The following GAB2 variants were observed in gnomAD, a reference collection of about 807,000 sequenced individuals.
GAB2 encodes GRB2 associated binding protein 2, also known as GRB2-associated-binding protein 2.
Under a neutral mutation model 65.5 loss-of-function variants are expected in GAB2, and 26 were observed. The ratio of observed to expected loss-of-function variants is 0.40; its 90% CI spans 0.29 to 0.55. The LOEUF is 0.55. GAB2 is among the 20% of genes least tolerant of loss of function. The pLI is 0.53. For synonymous variants in GAB2, 321 were observed against 329.6 expected (o/e 0.97, Z 0.28); for missense variants, 884 against 875.8 (o/e 1.01, Z -0.12).
chr11:78,221,624 T>A, intron 8 of GAB2, 53 bp downstream of exon 8: 1 of 1,077,246 alleles, frequency 9.3e-7, no homozygotes, highest in Non-Finnish European at 1.4e-6. Flanking sequence ...AACTGAGGGG[T>A]GGGTCCCAGG....
chr11:78,348,991 A>C (rs1325131979), intron 1 of GAB2, among the ~76,000 whole-genome samples: 1 of 152,248 alleles, frequency 6.6e-6, no homozygotes, highest in Non-Finnish European at 1.5e-5. Flanking sequence ...AGAGTGACAA[A>C]GAACAGAGGA....
chr11:78,410,994 A>AT (rs1008259141), intron 1 of GAB2, among the ~76,000 whole-genome samples: 12 of 150,264 alleles, frequency 8.0e-5, no homozygotes, highest in Admixed American at 3.3e-4. Context: ...ACAAATAATA[A>AT]AAAAAAAAAT....
chr11:78,269,281 G>C (rs1865949651), intron 2 of GAB2, among the ~76,000 whole-genome samples: 1 of 152,170 alleles, frequency 6.6e-6, no homozygotes, highest in South Asian at 2.1e-4. Context: ...GTTCCCCAGA[G>C]GAGTTGGTCT....
chr11:78,270,190 G>A (rs974913016), intron 2 of GAB2, among the ~76,000 whole-genome samples: 6 of 152,140 alleles, frequency 3.9e-5, no homozygotes, highest in African/African-American at 1.4e-4. Context: ...AGCCGGGCAT[G>A]GTAGTGTGCG....
At chr11:78,302,928 G>A (rs1184094721) in intron 1 of GAB2, among the ~76,000 whole-genome samples, 1 of 152,222 alleles carries the variant, frequency 6.6e-6, no homozygotes, top group Non-Finnish European at 1.5e-5. Flanking sequence ...TATTCTAAGT[G>A]AATTAACTCA....
chr11:78,348,774 T>C (rs914197785), intron 1 of GAB2, among the ~76,000 whole-genome samples: 11 of 152,332 alleles, frequency 7.2e-5, no homozygotes, highest in East Asian at 1.9e-4. Flanking sequence ...TCCAAGTGAA[T>C]GTTCATATCA....
intron 1 of GAB2, among the ~76,000 whole-genome samples, chr11:78,301,330 G>GGTT (rs1554985706): frequency 6.9e-5 from 10 of 145,776 alleles, no homozygotes; most frequent in African/African-American, 2.4e-4. Context: ...GTATCTTGTG[G>GGTT]TTTTTTGTTT....
At chr11:78,396,365 T>C (rs187293411) in intron 1 of GAB2, among the ~76,000 whole-genome samples, 3 of 152,380 alleles carry the variant, frequency 2.0e-5, no homozygotes, top group African/African-American at 7.2e-5. Flanking sequence ...TTCTGAAGTT[T>C]TAAATTGAAT....
chr11:78,241,421 AC>A (rs1394094681), intron 3 of GAB2, among the ~76,000 whole-genome samples: 1 of 152,184 alleles, frequency 6.6e-6, no homozygotes, highest in Non-Finnish European at 1.5e-5. Flanking sequence ...GAAATATAAC[AC>A]CAAAAAAGCA....
chr11:78,410,532 C>T (rs1857113794), intron 1 of GAB2, among the ~76,000 whole-genome samples: 1 of 152,044 alleles, frequency 6.6e-6, no homozygotes, highest in African/African-American at 2.4e-5. Flanking sequence ...AATAATGAAG[C>T]AATGTCAGTA....
chr11:78,243,768 C>T (rs1393325073), intron 3 of GAB2, among the ~76,000 whole-genome samples: 4 of 152,034 alleles, frequency 2.6e-5, no homozygotes, highest in African/African-American at 7.2e-5. Context: ...CACTTGAACC[C>T]GGGAGGCGGA....
chr11:78,261,036 G>T (rs1336100051), intron 2 of GAB2, among the ~76,000 whole-genome samples: 7 of 151,846 alleles, frequency 4.6e-5, no homozygotes, highest in South Asian at 2.1e-4. Context: ...ACTGGAAGAC[G>T]CTGTCTGTCT....
chr11:78,280,873 C>A lies in GAB2; in HGVS notation c.104G>T (p.Arg35Leu). The A allele has an allele frequency of 6.2e-7, 1 of 1,614,020 alleles. No homozygotes were observed. The highest frequency in any genetic ancestry group is 8.5e-7 in the Non-Finnish European group (1 of 1,179,896). Residue 35 changes from arginine to leucine, a missense_variant, in exon 2 of 10, where the codon CGG becomes CTG. Physicochemically the swap from Arg to Leu is moderately radical, Grantham distance 102 (BLOSUM62 -2). Transcript: ENST00000361507. ...TGGGTCACCGCTCATCCGGCCACTCCGCAGGATAAACCAGCGTTTCTTCCA... is the reference window on the plus strand; with the variant it reads ...TGGGTCACCGCTCATCCGGCCACTCAGCAGGATAAACCAGCGTTTCTTCCA... ...YAWKKRWFILRSGRMSGDPDV... is the reference protein window; with the variant it reads ...YAWKKRWFILLSGRMSGDPDV...
chr11:78,255,922 G>A (rs1245164272), intron 2 of GAB2, among the ~76,000 whole-genome samples: 2 of 152,224 alleles, frequency 1.3e-5, no homozygotes, highest in Non-Finnish European at 2.9e-5. Flanking sequence ...ATAGTGGAGA[G>A]ACTTGGCTCT....
chr11:78,361,509 T>C (rs1177307138), intron 1 of GAB2, among the ~76,000 whole-genome samples: 1 of 151,516 alleles, frequency 6.6e-6, no homozygotes, highest in Non-Finnish European at 1.5e-5. Context: ...ACAATTCCTA[T>C]TACAAAGGGC....
intron 2 of GAB2, chr11:78,280,343 G>A: frequency 2.0e-6 from 1 of 502,694 alleles, no homozygotes; most frequent in Non-Finnish European, 3.6e-6. Flanking sequence ...AACGGCAGTG[G>A]TGTTGAGGCA....
intron 1 of GAB2, among the ~76,000 whole-genome samples, chr11:78,390,248 G>A (rs1856818096): frequency 6.6e-6 from 1 of 152,114 alleles, no homozygotes; most frequent in Non-Finnish European, 1.5e-5. Flanking sequence ...TTGCTTTATA[G>A]CCCACACCAG....
At chr11:78,247,778 G>A (rs1314726490) in intron 3 of GAB2, among the ~76,000 whole-genome samples, 2 of 152,170 alleles carry the variant, frequency 1.3e-5, no homozygotes, top group Non-Finnish European at 2.9e-5. Context: ...ACTACTACAA[G>A]AAAATATATC....
chr11:78,402,042 CA>C (rs1856979968), intron 1 of GAB2, among the ~76,000 whole-genome samples: 1 of 152,138 alleles, frequency 6.6e-6, no homozygotes, highest in Non-Finnish European at 1.5e-5. Flanking sequence ...GAATGGACTC[CA>C]GTTTTTGAAG....
Sources: gnomAD v4.1 joint callset for allele counts (sites outside exome capture counted in the v4.1 genomes callset) on GRCh38, gnomAD v4.1.1 for gene constraint, MANE v1.5 for transcripts, NCBI Gene and HGNC (gene_info 2026-07-23, HGNC 2026-07-21) for gene names.